Variants in AFG1L observed in about 807,000 individuals in gnomAD.
AFG1L encodes the protein AFG1 like ATPase.
Under a neutral mutation model 62.2 loss-of-function variants are expected in AFG1L, and 53 were observed. The ratio of observed to expected loss-of-function variants is 0.85; its 90% confidence interval spans 0.68 to 1.07. The LOEUF is 1.07. Among genes scored for constraint, AFG1L ranks in the 50% least tolerant of loss-of-function variants. The pLI is 0.00. For synonymous variants in AFG1L, 228 were observed against 210.3 expected, an observed-to-expected ratio of 1.08 and a Z score of -0.73; for missense variants, 555 against 590.5, an observed-to-expected ratio of 0.94 and a Z score of 0.62.
intron 1 of AFG1L, among the ~76,000 whole-genome samples, chr6:108,304,800 C>CA (rs1170339739): frequency 6.6e-6 from 1 of 152,116 alleles, no homozygotes; most frequent in African/African-American, 2.4e-5. Flanking sequence ...TCCTTTATTC[C>CA]ATAACTGTTA....
At chr6:108,452,529 C>T (rs1252508124) in intron 8 of AFG1L, among the ~76,000 whole-genome samples, 1 of 152,134 alleles carries the variant, frequency 6.6e-6, no homozygotes. Flanking sequence ...ACACAGATGC[C>T]GTAACCTCAA....
chr6:108,468,802 C>A (rs1772775892), intron 8 of AFG1L, among the ~76,000 whole-genome samples: 1 of 148,382 alleles, frequency 6.7e-6, no homozygotes, highest in Admixed American at 6.7e-5. Flanking sequence ...TCTGATATGA[C>A]CTCAACTTTT....
chr6:108,476,581 T>C (rs1773113984), intron 8 of AFG1L, among the ~76,000 whole-genome samples: 1 of 152,250 alleles, frequency 6.6e-6, no homozygotes, highest in Non-Finnish European at 1.5e-5. Flanking sequence ...TTTCTTCTCA[T>C]TGTGTACACA....
chr6:108,446,915 A>T (rs530095026), intron 7 of AFG1L, among the ~76,000 whole-genome samples: 4 of 150,228 alleles, frequency 2.7e-5, no homozygotes, highest in South Asian at 2.1e-4. Flanking sequence ...GGGCTATTTT[A>T]AAAAAAACCC....
chr6:108,447,829 G>A (rs879507131), intron 8 of AFG1L, among the ~76,000 whole-genome samples: 3 of 152,224 alleles, frequency 2.0e-5, no homozygotes, highest in East Asian at 1.9e-4. Flanking sequence ...TATTCAGCAC[G>A]TGCAGTTAAT....
At chr6:108,490,926 T>C (rs1773752861) in intron 10 of AFG1L, among the ~76,000 whole-genome samples, 1 of 152,254 alleles carries the variant, frequency 6.6e-6, no homozygotes, top group African/African-American at 2.4e-5. Flanking sequence ...GAGGCACTGC[T>C]GTTTATTATC....
chr6:108,458,800 A>T (rs1772347216), intron 8 of AFG1L, among the ~76,000 whole-genome samples: 2 of 151,528 alleles, frequency 1.3e-5, no homozygotes, highest in Admixed American at 1.3e-4. Flanking sequence ...CCTGCCTTTC[A>T]TGCTTTTTTT....
chr6:108,434,043 A>G (rs1249597115), intron 7 of AFG1L, among the ~76,000 whole-genome samples: 2 of 152,232 alleles, frequency 1.3e-5, no homozygotes, highest in Non-Finnish European at 2.9e-5. Flanking sequence ...GGGAACAGGA[A>G]TTGGAATAGG....
intron 7 of AFG1L, among the ~76,000 whole-genome samples, chr6:108,418,429 C>T (rs1453265567): frequency 6.6e-6 from 1 of 152,170 alleles, no homozygotes; most frequent in Non-Finnish European, 1.5e-5. Flanking sequence ...TTTGCTGGCC[C>T]TGATCTATAT....
chr6:108,302,890 A>G (rs542805394), intron 1 of AFG1L, among the ~76,000 whole-genome samples: 2 of 152,294 alleles, frequency 1.3e-5, no homozygotes, highest in African/African-American at 2.4e-5. Context: ...AATTTTGTTT[A>G]TAGGAGTATA....
At chr6:108,332,490 T>C (rs1259776862) in intron 2 of AFG1L, among the ~76,000 whole-genome samples, 1 of 152,236 alleles carries the variant, frequency 6.6e-6, no homozygotes, top group Middle Eastern at 3.2e-3. Context: ...TGGTTATCTA[T>C]GTGAAGATTA....
intron 7 of AFG1L, among the ~76,000 whole-genome samples, chr6:108,437,492 A>G (rs1397378854): frequency 6.6e-6 from 1 of 152,172 alleles, no homozygotes; most frequent in Non-Finnish European, 1.5e-5. Context: ...GGAGTTTCCA[A>G]GACTGACATC....
intron 7 of AFG1L, among the ~76,000 whole-genome samples, chr6:108,432,897 A>G (rs898376893): frequency 6.6e-6 from 1 of 152,224 alleles, no homozygotes; most frequent in African/African-American, 2.4e-5. Context: ...CTGGTCTACC[A>G]TCTTCCCTGC....
intron 6 of AFG1L, among the ~76,000 whole-genome samples, chr6:108,400,599 A>G (rs938656780): frequency 7.4e-6 from 1 of 135,058 alleles, no homozygotes; most frequent in African/African-American, 2.7e-5. Context: ...TATAATTTAT[A>G]TATTTATATA....
At chr6:108,457,960 C>T (rs1440901654) in intron 8 of AFG1L, among the ~76,000 whole-genome samples, 1 of 151,434 alleles carries the variant, frequency 6.6e-6, no homozygotes, top group Non-Finnish European at 1.5e-5. Context: ...AGTACTTTGG[C>T]GATGTTGCTT....
chr6:108,394,226 C>T (rs1465871671), intron 6 of AFG1L, among the ~76,000 whole-genome samples: 1 of 150,748 alleles, frequency 6.6e-6, no homozygotes, highest in Non-Finnish European at 1.5e-5. Context: ...TGGCTCACTG[C>T]AACCTTTGCC....
intron 2 of AFG1L, among the ~76,000 whole-genome samples, chr6:108,330,590 T>C (rs2114340565): frequency 6.6e-6 from 1 of 152,296 alleles, no homozygotes; most frequent in Non-Finnish European, 1.5e-5. Flanking sequence ...GAGTGGAAAC[T>C]GTAAGGGACA....
chr6:108,508,144 G>A (rs1213081835), intron 10 of AFG1L, among the ~76,000 whole-genome samples: 2 of 152,196 alleles, frequency 1.3e-5, no homozygotes, highest in Non-Finnish European at 2.9e-5. Flanking sequence ...TAAGGAACAG[G>A]AAGATGATGT....
chr6:108,364,191 T>A (rs1779660230), intron 5 of AFG1L, among the ~76,000 whole-genome samples: 1 of 152,180 alleles, frequency 6.6e-6, no homozygotes, highest in South Asian at 2.1e-4. Flanking sequence ...TGTCTTCTGT[T>A]CACTTATACT....
Sources: gnomAD v4.1 joint callset for allele counts (sites outside exome capture counted in the v4.1 genomes callset) on GRCh38, gnomAD v4.1.1 for gene constraint, MANE v1.5 for transcripts, NCBI Gene and HGNC (gene_info 2026-07-23, HGNC 2026-07-21) for gene names.